The following MOV10L1 variants were observed in gnomAD, a reference collection of about 807,000 sequenced individuals.
MOV10L1 encodes RNA helicase Mov10l1.
In MOV10L1, 110 loss-of-function variants were observed where a neutral mutation model predicts 143.8. The ratio of observed to expected loss-of-function variants is 0.76; its 90% CI spans 0.66 to 0.90. The LOEUF (loss-of-function observed/expected upper bound fraction) is 0.90, where lower values mean the gene tolerates loss of function less well. MOV10L1 is among the 40% of genes least tolerant of loss of function. The pLI is 0.00. For synonymous variants in MOV10L1, 593 were observed against 581.1 expected, an observed-to-expected ratio of 1.02 and a Z score of -0.29; for missense variants, 1,406 against 1,526.8, an observed-to-expected ratio of 0.92 and a Z score of 1.32.
In MOV10L1 at chr22:50,161,348, C is replaced by T. The variant is rs200230554; in HGVS notation, c.3555-20C>T. The T allele has an allele frequency of 6.4e-5, 99 of 1,548,276 alleles. No individual in the cohort carries two copies. The highest frequency in any genetic ancestry group is 1.2e-4 in the Admixed American group (6 of 50,094). ...GTGGGAGCCTGGCTCACTGGCCATCCGCTTCTCCTCTGTCTACAGCTGTGG... is the reference window on the plus strand; with the variant it reads ...GTGGGAGCCTGGCTCACTGGCCATCTGCTTCTCCTCTGTCTACAGCTGTGG... On this transcript the variant is annotated intron_variant, in intron 26 of 26. Transcript: ENST00000262794.
chr22:50,107,893 A>G (rs566830388), intron 3 of MOV10L1, among the ~76,000 whole-genome samples: 1 of 152,210 alleles, frequency 6.6e-6, no homozygotes, highest in East Asian at 1.9e-4. Flanking sequence ...GAGCATGCAC[A>G]CTGCACCTTC....
At chr22:50,160,855 A>G in intron 25 of MOV10L1, 30 bp downstream of exon 25, 4 of 1,613,690 alleles carry the variant, frequency 2.5e-6, no homozygotes, top group Non-Finnish European at 3.4e-6. Flanking sequence ...GTGGGCTGTG[A>G]TCACTTAAGG....
chr22:50,099,419 T>C, intron 2 of MOV10L1, 24 bp from the exon 3 acceptor site: 1 of 1,611,238 alleles, frequency 6.2e-7, no homozygotes, highest in Non-Finnish European at 8.5e-7. Context: ...TATTATGGTT[T>C]AGAGCGGTGT....
intron 19 of MOV10L1, chr22:50,146,860 A>T: frequency 1.8e-6 from 1 of 557,848 alleles, no homozygotes; most frequent in Non-Finnish European, 3.3e-6. Flanking sequence ...GTAGAACGTG[A>T]TTGATGAGAC....
At position 50,160,536 on chromosome 22, in the gene MOV10L1, G is replaced by A. The variant is rs58643837; in HGVS notation, c.3325-152G>A. 1.3e-3 allele frequency: 1,261 copies of A among 953,828 alleles called. 13 individuals are homozygous for A. The African/African-American group carries it at 0.019, about 14-fold the overall frequency. The allele number at this position is 953,828 out of a possible 1,614,324, so 59.1% of individuals were successfully genotyped here. Reference sequence around the variant, plus strand: ...CCAAAGGCTGGGATTACAGGCGTGAGCCACCGCGCCCGGCCTCCTGTTTCT... The same window carrying A: ...CCAAAGGCTGGGATTACAGGCGTGAACCACCGCGCCCGGCCTCCTGTTTCT... On this transcript the variant is annotated intron_variant, in intron 24 of 26. Transcript: ENST00000262794.
At chr22:50,099,650 T>G (rs1227649502) in intron 3 of MOV10L1, 48 bp downstream of exon 3, 1 of 1,573,440 alleles carries the variant, frequency 6.4e-7, no homozygotes, top group Admixed American at 1.7e-5. Flanking sequence ...GTTTTGTCTT[T>G]TAAAGAATTG....
chr22:50,125,777 G>A (rs1377939684), intron 11 of MOV10L1, among the ~76,000 whole-genome samples: 9 of 151,780 alleles, frequency 5.9e-5, no homozygotes, highest in Non-Finnish European at 1.2e-4. Flanking sequence ...CCCCAGTAAT[G>A]TTTTTGTTTG....
intron 16 of MOV10L1, 65 bp from the exon 17 acceptor site, chr22:50,142,978 G>T: frequency 3.3e-6 from 5 of 1,504,022 alleles, no homozygotes; most frequent in Non-Finnish European, 4.6e-6. Flanking sequence ...ACCTAGGTGA[G>T]GACGTGTCCA....
chr22:50,150,992 C>A, intron 21 of MOV10L1, 93 bp downstream of exon 21: 2 of 1,502,254 alleles, frequency 1.3e-6, no homozygotes, highest in South Asian at 2.5e-5. Flanking sequence ...CCACCTGAGT[C>A]ATCTCCATCC....
Position 50,090,178 on chromosome 22 carries a change from C to T in MOV10L1, c.90C>T (p.Leu30=), listed in dbSNP as rs1185515345. 9.9e-6 allele frequency: 14 copies of T among 1,419,876 alleles called. No homozygotes were observed. Among genetic ancestry groups the T allele is most frequent in the Non-Finnish European group, 1.2e-5 (13 of 1,088,368 alleles). The allele number at this position is 1,419,876 out of a possible 1,614,324, so 88.0% of individuals were successfully genotyped here. Residue 30 remains leucine, a synonymous_variant, in exon 1 of 27, where the codon CTC becomes CTT. Coordinates refer to ENST00000262794, the MANE Select transcript of MOV10L1 (RefSeq NM_018995.3). The part of the protein sequence containing the change: ...REEAGQLEPE[L]AEGDTKLKTV... The stretch of plus-strand genomic sequence containing the variant: ...AAGCCGGGCAGCTGGAGCCCGAGCT[C>T]GCGGAAGGTGGCTCGCGGGAGGCGG...
intron 3 of MOV10L1, among the ~76,000 whole-genome samples, chr22:50,102,958 G>A (rs906965651): frequency 1.3e-5 from 2 of 152,166 alleles, no homozygotes; most frequent in African/African-American, 2.4e-5. Flanking sequence ...GTCCAGGGTC[G>A]TGTCAGAGGA....
In MOV10L1 at chr22:50,161,639, A is replaced by G; in HGVS notation, c.*190A>G. The G allele has an allele frequency of 1.8e-6, 1 of 559,858 alleles. No homozygotes were observed. Among genetic ancestry groups the G allele is most frequent in the South Asian group, 2.4e-5 (1 of 41,340 alleles). 34.7% of individuals were successfully genotyped at this position (559,858 alleles called of 1,614,324 possible). A position where few individuals can be genotyped will look rare whatever the true frequency, so the allele number is the denominator to read the frequency against. ...GCATATGCCAGCCTGTTCCTGCCACAGGGCAGTCACTGCCGCCTACCCTGA... is the reference window on the plus strand; with the variant it reads ...GCATATGCCAGCCTGTTCCTGCCACGGGGCAGTCACTGCCGCCTACCCTGA... On this transcript the variant is annotated 3_prime_UTR_variant, in exon 27 of 27. Coordinates refer to ENST00000262794, the MANE Select transcript of MOV10L1 (RefSeq NM_018995.3).
At chr22:50,121,102 A>G (rs984620898) in intron 10 of MOV10L1, among the ~76,000 whole-genome samples, 3 of 152,200 alleles carry the variant, frequency 2.0e-5, no homozygotes, top group Non-Finnish European at 2.9e-5. Context: ...AGAAAAGTCT[A>G]TAAATTTGGC....
intron 3 of MOV10L1, among the ~76,000 whole-genome samples, chr22:50,105,447 C>T (rs1014584382): frequency 3.9e-5 from 6 of 152,182 alleles, no homozygotes; most frequent in Admixed American, 3.9e-4. Flanking sequence ...TTGGCATATT[C>T]TCAAGTCCAG....
intron 13 of MOV10L1, among the ~76,000 whole-genome samples, chr22:50,130,377 G>A (rs2062637158): frequency 6.6e-6 from 1 of 152,048 alleles, no homozygotes; most frequent in South Asian, 2.1e-4. Context: ...TAATATTAGT[G>A]CTTTTTATGT....
chr22:50,137,620 G>A (rs1048936539), intron 15 of MOV10L1, among the ~76,000 whole-genome samples: 2 of 151,594 alleles, frequency 1.3e-5, no homozygotes, highest in African/African-American at 4.8e-5. Context: ...CAGGAGAATC[G>A]CTTGAAACCA....
chr22:50,117,290 C>T lies in MOV10L1; in HGVS notation c.1393C>T (p.Leu465Phe), dbSNP rs754894046. The T allele has an allele frequency of 4.3e-6, 7 of 1,614,054 alleles. No homozygotes were observed. Among genetic ancestry groups the T allele is most frequent in the Non-Finnish European group, 5.9e-6 (7 of 1,180,010 alleles). ...GCGCGAACCATTTTCTTGGAAAAAG[C>T]TTAAAAGTTCACAAGCGTTAACATC... The part of the protein sequence containing the change: ...AAREPFSWKK[L>F]KSSQALTSAK... Residue 465 changes from leucine to phenylalanine, a missense_variant, in exon 9 of 27, where the codon CTT becomes TTT. Physicochemically the swap from Leu to Phe is conservative, Grantham distance 22. This residue lies in a region of MOV10L1 where 1,233 missense variants were observed against 1,351.4 expected (regional missense o/e 0.91). Transcript: ENST00000262794.
chr22:50,148,375 ATCATGT>A (rs1326768414), intron 19 of MOV10L1, among the ~76,000 whole-genome samples: 11 of 152,178 alleles, frequency 7.2e-5, no homozygotes, highest in Non-Finnish European at 1.3e-4. Flanking sequence ...CTAGAAACAG[ATCATGT>A]GCCGAGCGAG....
chr22:50,120,957 C>T (rs1483429222), intron 10 of MOV10L1, among the ~76,000 whole-genome samples: 1 of 152,214 alleles, frequency 6.6e-6, no homozygotes, highest in Non-Finnish European at 1.5e-5. Flanking sequence ...AAGAAGTGTT[C>T]TAGCCTTTTA....
Sources: allele counts gnomAD v4.1 joint callset (sites outside exome capture counted in the v4.1 genomes callset), GRCh38; gene constraint gnomAD v4.1.1; regional missense constraint gnomAD v4.1.1; transcripts MANE v1.5; gene names NCBI Gene and HGNC (gene_info 2026-07-23, HGNC 2026-07-21).